The following GTF2F2 variants were observed in gnomAD, a reference collection of about 807,000 sequenced individuals.
GTF2F2 encodes ATP-dependent helicase GTF2F2.
Under a neutral mutation model 42.2 loss-of-function variants are expected in GTF2F2, and 23 were observed. The observed-to-expected ratio is 0.55, with a 90% CI of 0.39 to 0.77. The LOEUF (loss-of-function observed/expected upper bound fraction) is 0.77, where lower values mean the gene tolerates loss of function less well. GTF2F2 is among the 30% of genes least tolerant of loss of function. The pLI is 0.00. For synonymous variants in GTF2F2, 105 were observed against 100.8 expected, an observed-to-expected ratio of 1.04 and a Z score of -0.25; for missense variants, 261 against 287.2, an observed-to-expected ratio of 0.91 and a Z score of 0.66.
At chr13:45,207,739 A>G (rs138589682) in intron 5 of GTF2F2, among the ~76,000 whole-genome samples, 31 of 152,336 alleles carry the variant, frequency 2.0e-4, no homozygotes, top group African/African-American at 7.5e-4. Context: ...CCTGGAATCA[A>G]AGTTTTTAAA....
intron 4 of GTF2F2, among the ~76,000 whole-genome samples, chr13:45,172,424 A>AAT (rs577004433): frequency 4.8e-4 from 73 of 152,220 alleles, no homozygotes; most frequent in South Asian, 4.6e-3. Flanking sequence ...GTAAGAGTTC[A>AAT]ATATATATAT....
In GTF2F2 at chr13:45,213,086, A is replaced by C. The variant is rs371883297; in HGVS notation, c.386+5581A>C. On this transcript the variant is annotated intron_variant, in intron 5 of 7. Coordinates refer to ENST00000340473, the MANE Select transcript of GTF2F2 (RefSeq NM_004128.3). ...TTTATTTATTCTTATTCTTCTTCTTATTATTTTTTTGAGACAGAGTCTCGC... is the reference window on the plus strand; with the variant it reads ...TTTATTTATTCTTATTCTTCTTCTTCTTATTTTTTTGAGACAGAGTCTCGC... 1.7e-3 allele frequency among the ~76,000 whole-genome samples: 231 copies of C among 137,194 alleles called. 1 individual carries two copies. The highest frequency in any genetic ancestry group is 6.6e-3 in the East Asian group (30 of 4,546). 90.0% of individuals were successfully genotyped at this position (137,194 alleles called of 152,430 possible).
At chr13:45,127,889 C>G (rs1869111117) in intron 1 of GTF2F2, among the ~76,000 whole-genome samples, 1 of 144,894 alleles carries the variant, frequency 6.9e-6, no homozygotes, top group African/African-American at 2.6e-5. Flanking sequence ...CCTCAGCCTC[C>G]CAAAGTGCTA....
At chr13:45,147,476 G>C (rs1180420958) in intron 2 of GTF2F2, among the ~76,000 whole-genome samples, 1 of 152,208 alleles carries the variant, frequency 6.6e-6, no homozygotes, top group East Asian at 1.9e-4. Context: ...GGACTGTGGT[G>C]AATTTAGTGC....
intron 4 of GTF2F2, among the ~76,000 whole-genome samples, chr13:45,163,237 C>A (rs1055836368): frequency 2.6e-5 from 4 of 152,044 alleles, no homozygotes; most frequent in Non-Finnish European, 4.4e-5. Context: ...AAAGTCGGTT[C>A]TTTGTTTTGA....
intron 5 of GTF2F2, among the ~76,000 whole-genome samples, chr13:45,222,754 T>A (rs1350921030): frequency 6.6e-6 from 1 of 152,208 alleles, no homozygotes. Context: ...TGCCCTTGAG[T>A]TGTTCACTGT....
intron 1 of GTF2F2, among the ~76,000 whole-genome samples, chr13:45,128,217 T>G (rs1482912681): frequency 7.0e-6 from 1 of 143,026 alleles, no homozygotes; most frequent in African/African-American, 2.5e-5. Context: ...GCCTCAGCCT[T>G]CCAAAGTGCT....
chr13:45,275,419 A>G (rs1282700517), intron 7 of GTF2F2, among the ~76,000 whole-genome samples: 1 of 151,592 alleles, frequency 6.6e-6, no homozygotes, highest in Non-Finnish European at 1.5e-5. Flanking sequence ...CATCATTTAC[A>G]TTAGGTGTAT....
At chr13:45,151,414 G>A (rs1013196229) in intron 3 of GTF2F2, among the ~76,000 whole-genome samples, 52 of 152,102 alleles carry the variant, frequency 3.4e-4, no homozygotes, top group African/African-American at 1.2e-3. Context: ...AGGTTGGAGT[G>A]CAATGGCTGT....
intron 6 of GTF2F2, among the ~76,000 whole-genome samples, chr13:45,259,794 A>T (rs935630579): frequency 6.6e-6 from 1 of 151,566 alleles, no homozygotes; most frequent in Non-Finnish European, 1.5e-5. Flanking sequence ...AGTAGCTGGG[A>T]CTACAGGCGC....
chr13:45,221,280 G>A (rs989462322), intron 5 of GTF2F2, among the ~76,000 whole-genome samples: 2 of 152,010 alleles, frequency 1.3e-5, no homozygotes, highest in African/African-American at 4.8e-5. Flanking sequence ...ACCAAGTCCT[G>A]TTAGTTGTAC....
At chr13:45,238,104 C>T (rs1286178550) in intron 5 of GTF2F2, among the ~76,000 whole-genome samples, 1 of 152,156 alleles carries the variant, frequency 6.6e-6, no homozygotes. Flanking sequence ...CAGGTGCACA[C>T]CGCTGCACTC....
In GTF2F2 at chr13:45,231,265, G is replaced by A. The variant is rs556901389; in HGVS notation, c.387-21606G>A. The stretch of plus-strand genomic sequence containing the variant: ...TGGGACTACAGGCGTATGCTACCAC[G>A]CCCAGCTAATTTTTGTATTTTTAGT... On this transcript the variant is annotated intron_variant, in intron 5 of 7. Transcript: ENST00000340473. Among the ~76,000 whole-genome samples the A allele has an allele frequency of 8.2e-4, 124 of 151,912 alleles. 1 individual carries two copies. The highest frequency in any genetic ancestry group is 3.4e-3 in the Middle Eastern group (1 of 294).
intron 1 of GTF2F2, among the ~76,000 whole-genome samples, chr13:45,134,633 A>G (rs913814202): frequency 2.0e-5 from 3 of 152,116 alleles, no homozygotes; most frequent in Non-Finnish European, 4.4e-5. Context: ...GCTTGTTTGG[A>G]TGAATGGAGT....
At chr13:45,164,940 A>C (rs1387321306) in intron 4 of GTF2F2, among the ~76,000 whole-genome samples, 1 of 152,170 alleles carries the variant, frequency 6.6e-6, no homozygotes, top group Non-Finnish European at 1.5e-5. Flanking sequence ...TCTCATAACT[A>C]TTTGTTTGGA....
chr13:45,248,596 C>T (rs1334823923), intron 5 of GTF2F2, among the ~76,000 whole-genome samples: 1 of 152,126 alleles, frequency 6.6e-6, no homozygotes, highest in Admixed American at 6.5e-5. Context: ...GCCTCAGCCT[C>T]CTGAGTAGCT....
At chr13:45,209,255 C>T (rs1873537989) in intron 5 of GTF2F2, among the ~76,000 whole-genome samples, 1 of 152,142 alleles carries the variant, frequency 6.6e-6, no homozygotes, top group Non-Finnish European at 1.5e-5. Context: ...TGTTTAGATA[C>T]ACAAATACTT....
chr13:45,253,801 C>T (rs1401961324), intron 6 of GTF2F2, among the ~76,000 whole-genome samples: 6 of 152,144 alleles, frequency 3.9e-5, no homozygotes, highest in Non-Finnish European at 8.8e-5. Context: ...AGAGGCTGGG[C>T]GCGGTGGCTC....
chr13:45,224,404 G>C (rs868801166), intron 5 of GTF2F2, among the ~76,000 whole-genome samples: 1 of 152,206 alleles, frequency 6.6e-6, no homozygotes, highest in Non-Finnish European at 1.5e-5. Context: ...GTGAAGGTCT[G>C]ATGGGCTTGC....
Sources: gnomAD v4.1 joint callset for allele counts (sites outside exome capture counted in the v4.1 genomes callset) on GRCh38, gnomAD v4.1.1 for gene constraint, MANE v1.5 for transcripts, NCBI Gene and HGNC (gene_info 2026-07-23, HGNC 2026-07-21) for gene names.